IFNAR1: variants seen among roughly 807,000 people sequenced by gnomAD.
The protein encoded by IFNAR1 is interferon alpha/beta receptor 1.
In IFNAR1, 47 loss-of-function variants were observed where a neutral mutation model predicts 62.1. That is an observed-to-expected ratio of 0.76 (90% CI 0.60 to 0.97). The LOEUF is 0.97. Among genes scored for constraint, IFNAR1 ranks in the 50% least tolerant of loss-of-function variants. The pLI is 0.00. For missense variants in IFNAR1, 638 were observed against 654.5 expected (o/e 0.97, Z 0.27); for synonymous variants, 219 against 226.9 (o/e 0.97, Z 0.31).
intron 1 of IFNAR1, among the ~76,000 whole-genome samples, chr21:33,332,354 C>T (rs2834193): frequency 0.017 from 2,523 of 152,238 alleles, 81 homozygotes; most frequent in African/African-American, 0.058. Flanking sequence ...CCACACCCTT[C>T]GAAACCAGCA....
chr21:33,351,767 T>C (rs1568933011), intron 8 of IFNAR1, among the ~76,000 whole-genome samples: 1 of 151,860 alleles, frequency 6.6e-6, no homozygotes, highest in Non-Finnish European at 1.5e-5. Context: ...CCAGGCTTTT[T>C]TGGTGGTGGT....
At position 33,349,574 on chromosome 21, in the gene IFNAR1, C is replaced by G. The variant is rs745587790; in HGVS notation, c.1143+31C>G. The G allele has an allele frequency of 3.5e-6, 5 of 1,448,796 alleles. No individual in the cohort carries two copies. The East Asian group carries it at 9.3e-5, about 27-fold the overall frequency. The allele number at this position is 1,448,796 out of a possible 1,614,324, so 89.7% of individuals were successfully genotyped here. A position where few individuals can be genotyped will look rare whatever the true frequency, so the allele number is the denominator to read the frequency against. ...AAGACTGTATAGTATAATTTTGTAA[C>G]TTAGAGTTATAATTATGATTTGGGT... On this transcript the variant is annotated intron_variant, in intron 8 of 10. Transcript: ENST00000270139.
intron 2 of IFNAR1, among the ~76,000 whole-genome samples, chr21:33,339,869 A>C (rs1021977069): frequency 2.1e-5 from 3 of 145,368 alleles, no homozygotes; most frequent in African/African-American, 7.6e-5. Flanking sequence ...TGGAGGTTGC[A>C]GTGGGCCGAG....
chr21:33,354,007 C>T (rs1051001406), intron 10 of IFNAR1, among the ~76,000 whole-genome samples: 1 of 152,172 alleles, frequency 6.6e-6, no homozygotes, highest in African/African-American at 2.4e-5. Context: ...ATTTTTCTGG[C>T]AATTCCTAGA....
chr21:33,347,022 C>T (rs2083355266), intron 6 of IFNAR1, among the ~76,000 whole-genome samples: 1 of 152,074 alleles, frequency 6.6e-6, no homozygotes, highest in African/African-American at 2.4e-5. Flanking sequence ...TCATACAAGA[C>T]TTGGGGGCCG....
chr21:33,324,791 A>T, upstream of IFNAR1: 1 of 506,358 alleles, frequency 2.0e-6, no homozygotes, highest in Middle Eastern at 5.3e-4. Context: ...GCGCGCGCAC[A>T]GGGGTGCTGC....
At chr21:33,350,542 G>A (rs2083388608) in intron 8 of IFNAR1, among the ~76,000 whole-genome samples, 2 of 152,250 alleles carry the variant, frequency 1.3e-5, no homozygotes, top group African/African-American at 4.8e-5. Flanking sequence ...ACAAACACTG[G>A]TCTAAACCCT....
At chr21:33,338,531 C>CAAAA (rs767390109) in intron 2 of IFNAR1, among the ~76,000 whole-genome samples, 62,241 of 115,060 alleles carry the variant, frequency 0.54, 17,365 homozygotes, top group East Asian at 0.74. Flanking sequence ...GACTTCATCT[C>CAAAA]AAAAAAAAAA....
chr21:33,340,112 G>C (rs2083280452), intron 2 of IFNAR1, among the ~76,000 whole-genome samples: 1 of 151,790 alleles, frequency 6.6e-6, no homozygotes. Flanking sequence ...TCAGCTTTCT[G>C]ATTGGCCAGT....
intron 1 of IFNAR1, among the ~76,000 whole-genome samples, chr21:33,330,142 C>T (rs1176825799): frequency 6.6e-6 from 1 of 152,200 alleles, no homozygotes; most frequent in Non-Finnish European, 1.5e-5. Context: ...GAGCAATCTG[C>T]ACACAACTTA....
chr21:33,358,076 T>A lies in IFNAR1; in HGVS notation c.*2527T>A, dbSNP rs1279750433. 1 of 152,072 alleles carries A rather than the reference T, an allele frequency of 6.6e-6. No individual in the cohort carries two copies. Among genetic ancestry groups the A allele is most frequent in the Non-Finnish European group, 1.5e-5 (1 of 68,018 alleles). 9.4% of individuals were successfully genotyped at this position (152,072 alleles called of 1,614,324 possible). ...GGACATTAACATTAAAAGACACCAG[T>A]GAAATTGTTAGGTCTCTAGGAAGTT... On this transcript the variant is annotated 3_prime_UTR_variant, in exon 11 of 11. Transcript: ENST00000270139.
chr21:33,349,334 A>G (rs770884993), intron 7 of IFNAR1, 44 bp downstream of exon 7: 3 of 1,569,064 alleles, frequency 1.9e-6, no homozygotes, highest in East Asian at 4.5e-5. Flanking sequence ...CTCTGGTGCA[A>G]GTTTTTAAAA....
At chr21:33,353,589 G>T in intron 9 of IFNAR1, 49 bp from the exon 10 acceptor site, 1 of 1,095,436 alleles carries the variant, frequency 9.1e-7, no homozygotes, top group Non-Finnish European at 1.3e-6. Flanking sequence ...GCACTGTTAA[G>T]GCATTTGTAT....
chr21:33,349,229 A>G lies in IFNAR1; in HGVS notation c.927A>G (p.Ala309=). ...QKGIYLLRVQ[A]SDGNNTSFWS... ...GAATTTACCTTCTCCGCGTACAAGC[A>G]TCTGATGGAAATAACACATCTTTTT... The change falls in exon 7 of 11, where the codon GCA becomes GCG. Residue 309 remains alanine, a synonymous_variant. Coordinates refer to ENST00000270139, the MANE Select transcript of IFNAR1 (RefSeq NM_000629.3). 3 of 1,613,604 alleles carry G rather than the reference A, an allele frequency of 1.9e-6. No homozygotes were observed. The highest frequency in any genetic ancestry group is 2.5e-6 in the Non-Finnish European group (3 of 1,179,658).
In IFNAR1 at chr21:33,357,530, G is replaced by GTT. The variant is rs36125058; in HGVS notation, c.*1995_*1996dup. 4,961 of 139,632 alleles carry GTT rather than the reference G, an allele frequency of 0.036. 366 individuals carry two copies. The highest frequency in any genetic ancestry group is 0.12 in the African/African-American group (4,630 of 37,260). 8.6% of individuals were successfully genotyped at this position (139,632 alleles called of 1,614,324 possible). On this transcript the variant is annotated 3_prime_UTR_variant, in exon 11 of 11. Transcript: ENST00000270139. ...ATTTTCATCTTTCTGACCAGAGGCT[G>GTT]TTTTTTTTTTTTTTTGAGACAGTCT...
rs761762764 is a variant in IFNAR1 at position 33,352,908 on chromosome 21, G to A, written c.1294G>A (p.Gly432Arg). 8 of 1,560,030 alleles carry A rather than the reference G, an allele frequency of 5.1e-6. No homozygotes were observed. The highest frequency in any genetic ancestry group is 1.4e-5 in the African/African-American group (1 of 73,508). Residue 432 changes from glycine (G) to arginine (R), a missense_variant and splice_region_variant, in exon 9 of 11, where the codon GGA becomes AGA. Physicochemically the swap from Gly to Arg is moderately radical, Grantham distance 125. Transcript: ENST00000270139. Reference sequence around the variant, plus strand: ...CGCTGTATGTGAGAAAACAAAACCAGGTCAGAATCTTTTATTGTCTTTTTT... The same window carrying A: ...CGCTGTATGTGAGAAAACAAAACCAAGTCAGAATCTTTTATTGTCTTTTTT... Reference protein sequence around the residue: ...SDAVCEKTKPGNTSKIWLIVG... With the variant: ...SDAVCEKTKPRNTSKIWLIVG...
In IFNAR1 at chr21:33,340,985, T is replaced by A; in HGVS notation, c.201-14T>A. 1.9e-6 allele frequency: 3 copies of A among 1,568,128 alleles called. No homozygotes were observed. The highest frequency in any genetic ancestry group is 2.6e-6 in the Non-Finnish European group (3 of 1,143,808). ...CATTTGCTCACTCATTCATTTGTTT[T>A]TTTTACTTTAAAGAACTGGGATGGA... On this transcript the variant is annotated splice_polypyrimidine_tract_variant and intron_variant, in intron 2 of 10. Transcript: ENST00000270139.
intron 2 of IFNAR1, among the ~76,000 whole-genome samples, chr21:33,339,908 A>G (rs1428607626): frequency 6.9e-6 from 1 of 145,686 alleles, no homozygotes; most frequent in Non-Finnish European, 1.5e-5. Context: ...AGCCTGGGCA[A>G]CAGAGTAAGA....
intron 8 of IFNAR1, 84 bp downstream of exon 8, chr21:33,349,627 G>A (rs1273180687): frequency 9.2e-7 from 1 of 1,088,980 alleles, no homozygotes; most frequent in Non-Finnish European, 1.3e-6. Flanking sequence ...AAAATTTGGG[G>A]GAAATTTTTA....
Sources: allele counts gnomAD v4.1 joint callset (sites outside exome capture counted in the v4.1 genomes callset), GRCh38; gene constraint gnomAD v4.1.1; transcripts MANE v1.5; gene names NCBI Gene and HGNC (gene_info 2026-07-23, HGNC 2026-07-21).